HS3ST2: variants seen among roughly 807,000 people sequenced by gnomAD.
The protein encoded by HS3ST2 is heparan sulfate glucosamine 3-O-sulfotransferase 2.
In HS3ST2, 17 loss-of-function variants were observed where a neutral mutation model predicts 26.3. That is an observed-to-expected ratio of 0.65 (90% CI 0.44 to 0.97). HS3ST2 has a LOEUF of 0.97. Among genes scored for constraint, HS3ST2 ranks in the 50% least tolerant of loss-of-function variants. The pLI, the probability that HS3ST2 is intolerant of heterozygous loss-of-function variation, is 0.00. For missense variants in HS3ST2, 402 were observed against 501.2 expected (o/e 0.80, Z 1.89); for synonymous variants, 237 against 219.2 (o/e 1.08, Z -0.72).
intron 1 of HS3ST2, among the ~76,000 whole-genome samples, chr16:22,822,237 C>T (rs752896810): frequency 6.6e-6 from 1 of 152,138 alleles, no homozygotes; most frequent in Non-Finnish European, 1.5e-5. Context: ...ACAGTCAAGG[C>T]TCACTGCAGT....
chr16:22,820,369 G>A (rs745395656), intron 1 of HS3ST2, among the ~76,000 whole-genome samples: 1 of 152,186 alleles, frequency 6.6e-6, no homozygotes, highest in African/African-American at 2.4e-5. Flanking sequence ...ATGAAGAACA[G>A]GCTTTCCCCA....
At chr16:22,894,833 A>G (rs1025366715) in intron 1 of HS3ST2, among the ~76,000 whole-genome samples, 2 of 152,124 alleles carry the variant, frequency 1.3e-5, no homozygotes, top group Admixed American at 6.5e-5. Flanking sequence ...TCTCAAAATG[A>G]ATAGTTAAAT....
intron 1 of HS3ST2, among the ~76,000 whole-genome samples, chr16:22,834,019 C>A (rs1023954048): frequency 2.0e-5 from 3 of 151,966 alleles, no homozygotes; most frequent in Non-Finnish European, 4.4e-5. Context: ...GTATATTTAA[C>A]TTATCTTATT....
chr16:22,874,260 C>T (rs1020847904), intron 1 of HS3ST2, among the ~76,000 whole-genome samples: 1 of 152,222 alleles, frequency 6.6e-6, no homozygotes, highest in Admixed American at 6.5e-5. Context: ...GAGATAAACT[C>T]AAGTAAAAGA....
chr16:22,893,080 T>G (rs1007545208), intron 1 of HS3ST2, among the ~76,000 whole-genome samples: 9 of 152,228 alleles, frequency 5.9e-5, no homozygotes, highest in African/African-American at 2.2e-4. Flanking sequence ...ATCTTTGCCT[T>G]GCCTAACTTT....
chr16:22,866,378 G>T (rs1329278015), intron 1 of HS3ST2, among the ~76,000 whole-genome samples: 1 of 149,876 alleles, frequency 6.7e-6, no homozygotes, highest in African/African-American at 2.5e-5. Context: ...GCGTGTGTGT[G>T]TGTGTGTGTG....
intron 1 of HS3ST2, among the ~76,000 whole-genome samples, chr16:22,907,575 G>C (rs1902371969): frequency 6.6e-6 from 1 of 152,194 alleles, no homozygotes; most frequent in South Asian, 2.1e-4. Flanking sequence ...CTGGATTTGA[G>C]GAAGAGTTAA....
rs1567478210 is a variant in HS3ST2 at position 22,818,734 on chromosome 16, TCC to T, written c.485+3640_485+3641del. ...CTCCTTCCTTCCTTCCCTCCCTCCCTCCTTCCCTTCCTTCCTTCCTTCCTTCA... is the reference window on the plus strand; with the variant it reads ...CTCCTTCCTTCCTTCCCTCCCTCCCTTTCCCTTCCTTCCTTCCTTCCTTCA... On this transcript the variant is annotated intron_variant, in intron 1 of 1. Transcript: ENST00000261374. Among the ~76,000 whole-genome samples the T allele has an allele frequency of 9.3e-3, 126 of 13,588 alleles. 14 individuals carry two copies. The highest frequency in any genetic ancestry group is 0.033 in the African/African-American group (86 of 2,644). The allele number at this position is 13,588 out of a possible 152,430, so 8.9% of individuals were successfully genotyped here.
At chr16:22,903,983 G>A (rs548649068) in intron 1 of HS3ST2, among the ~76,000 whole-genome samples, 2 of 152,278 alleles carry the variant, frequency 1.3e-5, no homozygotes, top group East Asian at 3.9e-4. Flanking sequence ...ATAGCGCAGG[G>A]ATTAGAGCAG....
At chr16:22,857,592 C>T (rs1901612941) in intron 1 of HS3ST2, among the ~76,000 whole-genome samples, 1 of 152,230 alleles carries the variant, frequency 6.6e-6, no homozygotes, top group African/African-American at 2.4e-5. Context: ...TAAATAACAT[C>T]TCCATGCCTC....
At chr16:22,871,417 G>T (rs945621828) in intron 1 of HS3ST2, among the ~76,000 whole-genome samples, 6 of 151,956 alleles carry the variant, frequency 3.9e-5, no homozygotes, top group African/African-American at 1.4e-4. Context: ...ACCATAAGGT[G>T]ATGTAAGTGT....
At chr16:22,821,443 A>T (rs574537599) in intron 1 of HS3ST2, among the ~76,000 whole-genome samples, 13 of 151,252 alleles carry the variant, frequency 8.6e-5, no homozygotes, top group Non-Finnish European at 1.5e-4. Context: ...GTGCATGGGG[A>T]CGGGGTGGGG....
At chr16:22,833,087 G>A (rs1355083636) in intron 1 of HS3ST2, among the ~76,000 whole-genome samples, 1 of 152,168 alleles carries the variant, frequency 6.6e-6, no homozygotes, top group Non-Finnish European at 1.5e-5. Flanking sequence ...TCACTCCCCA[G>A]CCTCTGCTAA....
At chr16:22,913,297 GA>G (rs1470244195) in intron 1 of HS3ST2, among the ~76,000 whole-genome samples, 2 of 152,016 alleles carry the variant, frequency 1.3e-5, no homozygotes, top group African/African-American at 2.4e-5. Context: ...GGGAACCAGG[GA>G]TGCTCCCGTC....
chr16:22,897,543 T>G (rs1385895237), intron 1 of HS3ST2, among the ~76,000 whole-genome samples: 1 of 152,244 alleles, frequency 6.6e-6, no homozygotes, highest in African/African-American at 2.4e-5. Flanking sequence ...TTAGATCAAT[T>G]TACATTTTCT....
intron 1 of HS3ST2, among the ~76,000 whole-genome samples, chr16:22,825,903 T>G (rs365023): frequency 0.14 from 21,872 of 152,050 alleles, 1,704 homozygotes; most frequent in East Asian, 0.22. Flanking sequence ...TGCGCCTGTA[T>G]TCCCAGCTAC....
intron 1 of HS3ST2, among the ~76,000 whole-genome samples, chr16:22,895,262 G>A (rs1430319813): frequency 6.6e-6 from 1 of 151,822 alleles, no homozygotes; most frequent in Non-Finnish European, 1.5e-5. Flanking sequence ...GCTGATTTTT[G>A]TATTTTCAGT....
chr16:22,901,698 A>G (rs1477254880), intron 1 of HS3ST2, among the ~76,000 whole-genome samples: 1 of 152,160 alleles, frequency 6.6e-6, no homozygotes, highest in East Asian at 1.9e-4. Context: ...ACATTCCTTC[A>G]ACACCCACGA....
intron 1 of HS3ST2, among the ~76,000 whole-genome samples, chr16:22,871,256 T>C (rs1179777441): frequency 6.6e-6 from 1 of 151,374 alleles, no homozygotes; most frequent in East Asian, 2.0e-4. Flanking sequence ...CTTGGGAAGC[T>C]GAGGCAGAAG....
Sources: allele counts gnomAD v4.1 joint callset (sites outside exome capture counted in the v4.1 genomes callset), GRCh38; gene constraint gnomAD v4.1.1; transcripts MANE v1.5; gene names NCBI Gene and HGNC (gene_info 2026-07-23, HGNC 2026-07-21).